Variants in GLRA3 observed in about 807,000 individuals in gnomAD.
GLRA3 encodes the protein glycine receptor subunit alpha-3.
Under a neutral mutation model 60.4 loss-of-function variants are expected in GLRA3, and 44 were observed. That is an observed-to-expected ratio of 0.73 (90% confidence interval 0.57 to 0.94). GLRA3 has a LOEUF of 0.94. Among genes scored for constraint, GLRA3 ranks in the 40% least tolerant of loss-of-function variants. The pLI is 0.00. For missense variants in GLRA3, 508 were observed against 564.6 expected (o/e 0.90, Z 1.02); for synonymous variants, 223 against 192.9 (o/e 1.16, Z -1.29).
At chr4:174,683,396 G>T (rs989876800) in intron 5 of GLRA3, among the ~76,000 whole-genome samples, 10 of 151,942 alleles carry the variant, frequency 6.6e-5, no homozygotes, top group African/African-American at 2.4e-4. Context: ...TGTCACCCAG[G>T]CTGGAGTGCA....
At chr4:174,730,677 C>A (rs560093863) in intron 3 of GLRA3, among the ~76,000 whole-genome samples, 1 of 152,290 alleles carries the variant, frequency 6.6e-6, no homozygotes, top group South Asian at 2.1e-4. Flanking sequence ...TCCGGGAACA[C>A]TTTTTGCTCC....
At chr4:174,694,586 G>A (rs1734979073) in intron 5 of GLRA3, among the ~76,000 whole-genome samples, 1 of 152,198 alleles carries the variant, frequency 6.6e-6, no homozygotes, top group Admixed American at 6.5e-5. Flanking sequence ...AGCTAAGGCA[G>A]TGTTAAGAAG....
chr4:174,670,945 A>G (rs185805941), intron 7 of GLRA3, among the ~76,000 whole-genome samples: 35 of 152,210 alleles, frequency 2.3e-4, no homozygotes, highest in Middle Eastern at 3.4e-3. Context: ...ATTCATATAC[A>G]TTATATCTTG....
chr4:174,685,995 G>A (rs1734541263), intron 5 of GLRA3, among the ~76,000 whole-genome samples: 1 of 152,190 alleles, frequency 6.6e-6, no homozygotes, highest in Non-Finnish European at 1.5e-5. Flanking sequence ...GCTTTATTTA[G>A]TGGCTAATAC....
At chr4:174,769,916 T>C (rs1340997920) in intron 2 of GLRA3, among the ~76,000 whole-genome samples, 1 of 152,140 alleles carries the variant, frequency 6.6e-6, no homozygotes, top group African/African-American at 2.4e-5. Flanking sequence ...CTATTTTCTA[T>C]TTTTCAGCAT....
chr4:174,809,434 T>A (rs1265082184), intron 1 of GLRA3, among the ~76,000 whole-genome samples: 1 of 152,114 alleles, frequency 6.6e-6, no homozygotes, highest in Non-Finnish European at 1.5e-5. Context: ...AATGTGAACA[T>A]TTAAAAATGA....
At chr4:174,804,352 C>A (rs1340200504) in intron 1 of GLRA3, among the ~76,000 whole-genome samples, 1 of 152,120 alleles carries the variant, frequency 6.6e-6, no homozygotes, top group Non-Finnish European at 1.5e-5. Context: ...CTGGAGAGCA[C>A]TACAAGTACC....
chr4:174,652,672 T>TTTA (rs1209889944), intron 9 of GLRA3, among the ~76,000 whole-genome samples: 1 of 152,140 alleles, frequency 6.6e-6, no homozygotes, highest in Admixed American at 6.6e-5. Context: ...TGCCAAGCAC[T>TTTA]GATTCATATA....
chr4:174,818,704 T>C (rs1001258976), intron 1 of GLRA3, among the ~76,000 whole-genome samples: 2 of 152,214 alleles, frequency 1.3e-5, no homozygotes, highest in African/African-American at 4.8e-5. Context: ...AATAGTTCTA[T>C]CTTTATAATC....
intron 8 of GLRA3, among the ~76,000 whole-genome samples, chr4:174,657,431 A>G (rs186483847): frequency 4.8e-4 from 73 of 152,286 alleles, no homozygotes; most frequent in African/African-American, 1.6e-3. Flanking sequence ...GGAAAAAGGT[A>G]AAGAAATGGA....
At chr4:174,659,246 T>G in intron 7 of GLRA3, 49 bp from the exon 8 acceptor site, 2 of 1,423,798 alleles carry the variant, frequency 1.4e-6, no homozygotes, top group Non-Finnish European at 1.9e-6. Context: ...ATATTGTTAC[T>G]TCCTTTGAGA....
At position 174,710,869 on chromosome 4, in the gene GLRA3, A is replaced by AT. The variant is rs562604203; in HGVS notation, c.574+4618dup. ...AGCACCAGGTTTAGGGGTTTTTGTG[A>AT]TTCTTTGGACACTCTATTGTGTCTT... On this transcript the variant is annotated intron_variant, in intron 5 of 9. Coordinates refer to ENST00000274093, the MANE Select transcript of GLRA3 (RefSeq NM_006529.4). 3.9e-3 allele frequency among the ~76,000 whole-genome samples: 585 copies of AT among 151,484 alleles called. 5 individuals are homozygous for AT. The highest frequency in any genetic ancestry group is 0.013 in the African/African-American group (546 of 41,274).
rs1734162570 is a variant in GLRA3 at position 174,677,225 on chromosome 4, C to T, written c.780G>A (p.Met260Ile). The change falls in exon 7 of 10, where the codon ATG becomes ATA. Residue 260 changes from methionine (M) to isoleucine (I), a missense_variant. This residue lies in a region of GLRA3 where 329 missense variants were observed against 349.3 expected (regional missense o/e 0.94). Coordinates refer to ENST00000274093, the MANE Select transcript of GLRA3 (RefSeq NM_006529.4). ...ERQMGYYLIQ[M>I]YIPSLLIVIL... Reference sequence around the variant, plus strand: ...TAACAATCAGGAGACTGGGAATGTACATCTGGATCAGATAGTATCCCATTT... The same window carrying T: ...TAACAATCAGGAGACTGGGAATGTATATCTGGATCAGATAGTATCCCATTT... The T allele has an allele frequency of 6.2e-7, 1 of 1,612,578 alleles. No homozygotes were observed. Among genetic ancestry groups the T allele is most frequent in the South Asian group, 1.1e-5 (1 of 91,028 alleles).
intron 7 of GLRA3, among the ~76,000 whole-genome samples, chr4:174,673,428 A>T (rs1733984527): frequency 6.6e-6 from 1 of 152,084 alleles, no homozygotes; most frequent in African/African-American, 2.4e-5. Flanking sequence ...GAATCCTCCT[A>T]AGAAGGAGGA....
intron 5 of GLRA3, among the ~76,000 whole-genome samples, chr4:174,696,688 T>A (rs1441304107): frequency 6.6e-6 from 1 of 152,020 alleles, no homozygotes; most frequent in Admixed American, 6.6e-5. Flanking sequence ...AATGTTAATA[T>A]GAGCTTGGTA....
At position 174,803,754 on chromosome 4, in the gene GLRA3, G is replaced by A. The variant is rs79493143; in HGVS notation, c.72-14811C>T. Reference sequence around the variant, plus strand: ...CTCAACCTTGTTTATGTAAAAGAGCGCTGAATGGTGATAGTAGTATCTTAT... The same window carrying A: ...CTCAACCTTGTTTATGTAAAAGAGCACTGAATGGTGATAGTAGTATCTTAT... On this transcript the variant is annotated intron_variant, in intron 1 of 9. Transcript: ENST00000274093. Among the ~76,000 whole-genome samples the A allele has an allele frequency of 1.7e-3, 253 of 152,180 alleles. No homozygotes were observed. The East Asian group carries it at 0.024, about 15-fold the overall frequency.
Position 174,733,520 on chromosome 4 carries a change from C to T in GLRA3, c.268-4822G>A, listed in dbSNP as rs986858654. Among the ~76,000 whole-genome samples the T allele has an allele frequency of 2.0e-5, 3 of 152,068 alleles. No individual in the cohort carries two copies. The South Asian group carries it at 6.2e-4, about 32-fold the overall frequency. On this transcript the variant is annotated intron_variant, in intron 3 of 9. Transcript: ENST00000274093. The stretch of plus-strand genomic sequence containing the variant: ...AACAAACTCATAACCTCAGAACCTT[C>T]CCCCCTCTATCAGCCAGTGCACCCA...
At chr4:174,732,266 A>G (rs1736579398) in intron 3 of GLRA3, among the ~76,000 whole-genome samples, 1 of 151,904 alleles carries the variant, frequency 6.6e-6, no homozygotes, top group Non-Finnish European at 1.5e-5. Context: ...GAAGCAGGAG[A>G]GACGCTTGAA....
chr4:174,753,459 C>T (rs1737566035), intron 3 of GLRA3, among the ~76,000 whole-genome samples: 3 of 152,152 alleles, frequency 2.0e-5, no homozygotes, highest in African/African-American at 7.2e-5. Context: ...TGACTAGTGC[C>T]AGTCATCTTA....
Sources: allele counts gnomAD v4.1 joint callset (sites outside exome capture counted in the v4.1 genomes callset), GRCh38; gene constraint gnomAD v4.1.1; regional missense constraint gnomAD v4.1.1; transcripts MANE v1.5; gene names NCBI Gene and HGNC (gene_info 2026-07-23, HGNC 2026-07-21).